FRAS1: variants seen among roughly 807,000 people sequenced by gnomAD.
The protein encoded by FRAS1 is extracellular matrix organizing protein FRAS1.
A neutral mutation model predicts 435.2 loss-of-function variants in FRAS1; 290 were observed. The ratio of observed to expected loss-of-function variants is 0.67; its 90% CI spans 0.61 to 0.73. The LOEUF is 0.73. Ranked by LOEUF, FRAS1 falls within the 30% of genes least tolerant of loss-of-function variation. FRAS1 has a pLI of 0.00. For synonymous variants in FRAS1, 1,800 were observed against 1,851.0 expected, an observed-to-expected ratio of 0.97 and a Z score of 0.71; for missense variants, 4,860 against 5,001.5, an observed-to-expected ratio of 0.97 and a Z score of 0.85.
rs1741547047 is a variant in FRAS1, at chr4:78,091,958, G to GTCTC, written c.108+25942_108+25943insTCTC. 3.1e-5 allele frequency among the ~76,000 whole-genome samples: 3 copies of GTCTC among 96,594 alleles called. No homozygotes were observed. The South Asian group carries it at 1.1e-3, about 35-fold the overall frequency. The allele number at this position is 96,594 out of a possible 152,430, so 63.4% of individuals were successfully genotyped here. The stretch of plus-strand genomic sequence containing the variant: ...GTCCAGAAGTTTGAGACCAACCTGG[G>GTCTC]AAACATAGTGAGACTGTCTCAAAAA... On this transcript the variant is annotated intron_variant, in intron 2 of 73. Coordinates refer to ENST00000512123, the MANE Select transcript of FRAS1 (RefSeq NM_025074.7).
intron 6 of FRAS1, among the ~76,000 whole-genome samples, chr4:78,264,191 A>G (rs1726243885): frequency 6.6e-6 from 1 of 152,212 alleles, no homozygotes; most frequent in South Asian, 2.1e-4. Flanking sequence ...TCAAAGTGAG[A>G]GGCTGACTCT....
chr4:78,383,080 C>T (rs1017399511), intron 27 of FRAS1, among the ~76,000 whole-genome samples: 3 of 152,174 alleles, frequency 2.0e-5, no homozygotes, highest in Non-Finnish European at 4.4e-5. Context: ...CATTCAGCAG[C>T]GAGTTCTGTG....
Position 78,286,542 on chromosome 4 carries a change from A to G in FRAS1, c.1534+3A>G, listed in dbSNP as rs777936340. The G allele has an allele frequency of 1.1e-5, 17 of 1,611,206 alleles. No individual in the cohort carries two copies. The highest frequency in any genetic ancestry group is 6.6e-5 in the South Asian group (6 of 91,012). ...CCAAGATCGCCATTCCTGTGCAGGT[A>G]ATCTCTGGCTGGGCCACAGTTGGGC... On this transcript the variant is annotated splice_donor_region_variant and intron_variant, in intron 14 of 73. Transcript: ENST00000512123.
chr4:78,255,656 A>C (rs1428196573), intron 6 of FRAS1, among the ~76,000 whole-genome samples: 1 of 152,282 alleles, frequency 6.6e-6, no homozygotes, highest in Non-Finnish European at 1.5e-5. Flanking sequence ...AGATGCTCCA[A>C]AAATGTCAAG....
At chr4:78,483,782 CTA>C (rs1393760973) in intron 58 of FRAS1, among the ~76,000 whole-genome samples, 2 of 83,286 alleles carry the variant, frequency 2.4e-5, no homozygotes, top group African/African-American at 6.7e-5. Context: ...CTCTCTCTCT[CTA>C]TATATATATA....
intron 2 of FRAS1, among the ~76,000 whole-genome samples, chr4:78,102,591 A>G (rs1201668026): frequency 6.6e-6 from 1 of 152,170 alleles, no homozygotes; most frequent in Non-Finnish European, 1.5e-5. Flanking sequence ...TTTTAACTAC[A>G]TAGTGTATTT....
chr4:78,364,105 T>A, intron 22 of FRAS1, 51 bp downstream of exon 22: 1 of 1,531,528 alleles, frequency 6.5e-7, no homozygotes, highest in Non-Finnish European at 8.8e-7. Context: ...CCTGCCTTTC[T>A]GGAGCCATTG....
chr4:78,278,540 C>T, intron 9 of FRAS1, 115 bp from the exon 10 acceptor site: 9 of 664,156 alleles, frequency 1.4e-5, no homozygotes, highest in Non-Finnish European at 1.1e-5. Context: ...GGGCCAGAGC[C>T]AACAGTGTGC....
chr4:78,319,774 C>G (rs1182146481), intron 18 of FRAS1: 1 of 183,132 alleles, frequency 5.5e-6, no homozygotes, highest in Non-Finnish European at 1.2e-5. Context: ...GTTTTGTATC[C>G]TACAAGTCTA....
At chr4:78,125,049 C>G (rs552437170) in intron 2 of FRAS1, among the ~76,000 whole-genome samples, 1 of 152,192 alleles carries the variant, frequency 6.6e-6, no homozygotes, top group South Asian at 2.1e-4. Flanking sequence ...TGTGTTTACT[C>G]TTGCTTCTCT....
chr4:78,404,443 C>T (rs1052343135), intron 30 of FRAS1, among the ~76,000 whole-genome samples: 4 of 151,856 alleles, frequency 2.6e-5, no homozygotes, highest in Admixed American at 6.6e-5. Context: ...AGCTCTCACC[C>T]GTCTGCAGAG....
rs567058132 is a variant in FRAS1 at position 78,281,195 on chromosome 4, A to T, written c.1072-203A>T. On this transcript the variant is annotated intron_variant, in intron 10 of 73. Transcript: ENST00000512123. Reference sequence around the variant, plus strand: ...ACTCAGGCACAAAGTGAGAATTCAGAAATATTTCCTAGGCACGTTGATTTC... The same window carrying T: ...ACTCAGGCACAAAGTGAGAATTCAGTAATATTTCCTAGGCACGTTGATTTC... 4.7e-4 allele frequency among the ~76,000 whole-genome samples: 71 copies of T among 152,318 alleles called. 1 individual carries two copies. Among genetic ancestry groups the T allele is most frequent in the Middle Eastern group, 6.8e-3 (2 of 294 alleles).
chr4:78,273,195 A>T (rs1442944576), intron 9 of FRAS1, among the ~76,000 whole-genome samples: 1 of 152,186 alleles, frequency 6.6e-6, no homozygotes, highest in Middle Eastern at 3.2e-3. Context: ...TTTGCTTATG[A>T]GCTTAAGGAG....
intron 2 of FRAS1, among the ~76,000 whole-genome samples, chr4:78,208,551 G>A (rs979165174): frequency 1.3e-5 from 2 of 151,682 alleles, no homozygotes; most frequent in African/African-American, 4.8e-5. Context: ...AGAAATGAGG[G>A]GAGAAATCTT....
chr4:78,076,182 A>G (rs1156990958), intron 2 of FRAS1, among the ~76,000 whole-genome samples: 1 of 152,106 alleles, frequency 6.6e-6, no homozygotes, highest in Non-Finnish European at 1.5e-5. Flanking sequence ...GTAAGTGATC[A>G]TCTTCTTGAA....
intron 2 of FRAS1, among the ~76,000 whole-genome samples, chr4:78,126,721 T>A (rs976845975): frequency 5.9e-5 from 9 of 152,220 alleles, no homozygotes; most frequent in African/African-American, 2.2e-4. Context: ...TTTAAGTATT[T>A]ATATTTTTAA....
intron 59 of FRAS1, 62 bp downstream of exon 59, chr4:78,489,142 G>A: frequency 6.7e-7 from 1 of 1,486,474 alleles, no homozygotes; most frequent in African/African-American, 1.4e-5. Context: ...TGTCTGTAAT[G>A]AAGTCATTTA....
chr4:78,066,650 C>T (rs769906095), intron 2 of FRAS1, among the ~76,000 whole-genome samples: 2 of 152,206 alleles, frequency 1.3e-5, no homozygotes, highest in Non-Finnish European at 2.9e-5. Context: ...ACTGTCTACA[C>T]TCCATCAACT....
intron 20 of FRAS1, among the ~76,000 whole-genome samples, chr4:78,345,129 C>T (rs780060182): frequency 5.3e-5 from 8 of 152,146 alleles, no homozygotes; most frequent in Non-Finnish European, 8.8e-5. Context: ...TCCATGACTT[C>T]CAAGGCTACA....
Sources: gnomAD v4.1 joint callset for allele counts (sites outside exome capture counted in the v4.1 genomes callset) on GRCh38, gnomAD v4.1.1 for gene constraint, MANE v1.5 for transcripts, NCBI Gene and HGNC (gene_info 2026-07-23, HGNC 2026-07-21) for gene names.